Variants in CTNNA3 observed in about 807,000 individuals in gnomAD.
CTNNA3 encodes catenin alpha-3.
Under a neutral mutation model 95.7 loss-of-function variants are expected in CTNNA3, and 76 were observed. The ratio of observed to expected loss-of-function variants is 0.79; its 90% CI spans 0.66 to 0.96. CTNNA3 has a LOEUF of 0.96. CTNNA3 is among the 40% of genes least tolerant of loss of function. The pLI, the probability that CTNNA3 is intolerant of heterozygous loss-of-function variation, is 0.00. For synonymous variants in CTNNA3, 431 were observed against 374.4 expected (o/e 1.15, Z -1.74); for missense variants, 1,191 against 1,089.8 (o/e 1.09, Z -1.31).
chr10:66,299,203 G>C (rs183665856), intron 12 of CTNNA3, among the ~76,000 whole-genome samples: 81 of 152,190 alleles, frequency 5.3e-4, no homozygotes, highest in African/African-American at 1.8e-3. Flanking sequence ...AAACCAACCT[G>C]TGTTCTCACC....
chr10:66,727,140 T>G (rs373027917), intron 9 of CTNNA3, among the ~76,000 whole-genome samples: 2 of 152,106 alleles, frequency 1.3e-5, no homozygotes, highest in African/African-American at 4.8e-5. Context: ...AGAAATTGTT[T>G]AGGCAAAGGC....
intron 12 of CTNNA3, among the ~76,000 whole-genome samples, chr10:66,376,046 A>G (rs1564909171): frequency 6.6e-6 from 1 of 152,110 alleles, no homozygotes; most frequent in South Asian, 2.1e-4. Context: ...CAAACAGTAA[A>G]ACTAGGTGGG....
intron 9 of CTNNA3, among the ~76,000 whole-genome samples, chr10:66,735,916 A>G (rs1849119938): frequency 6.6e-6 from 1 of 152,180 alleles, no homozygotes; most frequent in Non-Finnish European, 1.5e-5. Flanking sequence ...TAGGGGCTTT[A>G]TGGAGCATTC....
At position 66,170,226 on chromosome 10, in the gene CTNNA3, TCTC is replaced by T. The variant is rs112025275; in HGVS notation, c.1885-66980_1885-66978del. 7.3e-3 allele frequency among the ~76,000 whole-genome samples: 1,086 copies of T among 147,876 alleles called. 27 individuals are homozygous for T. Among genetic ancestry groups the T allele is most frequent in the African/African-American group, 0.025 (1,014 of 40,204 alleles). ...GTGAGAGATGAGAATCCAGTTGCAT[TCTC>T]CTCCTCATTGTCTTTTTTTTTTTTT... is the stretch of plus-strand genomic sequence containing the variant. On this transcript the variant is annotated intron_variant, in intron 13 of 17. Transcript: ENST00000433211.
intron 7 of CTNNA3, among the ~76,000 whole-genome samples, chr10:67,157,934 A>G (rs1013462444): frequency 6.6e-6 from 1 of 152,220 alleles, no homozygotes; most frequent in East Asian, 1.9e-4. Context: ...CAAAAACTGT[A>G]TAACAGTACC....
intron 9 of CTNNA3, among the ~76,000 whole-genome samples, chr10:66,735,606 CTTGTT>C (rs1413497500): frequency 2.6e-5 from 4 of 151,968 alleles, no homozygotes. Flanking sequence ...ATGGGTCAGT[CTTGTT>C]TTGTTTGAAA....
At chr10:67,663,132 C>T (rs1840236651) in intron 1 of CTNNA3, among the ~76,000 whole-genome samples, 1 of 152,084 alleles carries the variant, frequency 6.6e-6, no homozygotes, top group African/African-American at 2.4e-5. Flanking sequence ...AGTATTCATT[C>T]CCAGGCTTCA....
At chr10:66,775,327 T>TC (rs1840250050) in intron 8 of CTNNA3, 117 bp downstream of exon 8, 1 of 706,580 alleles carries the variant, frequency 1.4e-6, no homozygotes, top group Non-Finnish European at 2.4e-6. Flanking sequence ...ATTTACTCTT[T>TC]TTTTCCTGTT....
At chr10:67,308,721 T>G (rs1840661225) in intron 5 of CTNNA3, among the ~76,000 whole-genome samples, 1 of 152,160 alleles carries the variant, frequency 6.6e-6, no homozygotes, top group Admixed American at 6.5e-5. Flanking sequence ...TCAAACTATT[T>G]AAGTACTAAA....
chr10:67,417,907 A>G (rs189496146), intron 5 of CTNNA3, among the ~76,000 whole-genome samples: 2 of 152,326 alleles, frequency 1.3e-5, no homozygotes, highest in Non-Finnish European at 2.9e-5. Flanking sequence ...CTTTTACACA[A>G]TGTTCATAGC....
chr10:67,547,912 C>T (rs1840894655), intron 3 of CTNNA3, among the ~76,000 whole-genome samples: 1 of 152,186 alleles, frequency 6.6e-6, no homozygotes, highest in South Asian at 2.1e-4. Flanking sequence ...ATCTCATGCT[C>T]ATGGATTAGA....
intron 7 of CTNNA3, among the ~76,000 whole-genome samples, chr10:67,135,565 C>A (rs1267565160): frequency 6.6e-6 from 1 of 152,086 alleles, no homozygotes; most frequent in Non-Finnish European, 1.5e-5. Context: ...GTCCCAGCTA[C>A]TCAGGAGGCT....
At chr10:66,790,677 G>C (rs1008443442) in intron 7 of CTNNA3, among the ~76,000 whole-genome samples, 1 of 151,984 alleles carries the variant, frequency 6.6e-6, no homozygotes, top group Non-Finnish European at 1.5e-5. Context: ...TATTTTTGTG[G>C]TATGCCATAA....
At chr10:67,056,698 A>G (rs886140223) in intron 7 of CTNNA3, among the ~76,000 whole-genome samples, 1 of 152,212 alleles carries the variant, frequency 6.6e-6, no homozygotes, top group Non-Finnish European at 1.5e-5. Flanking sequence ...TACATTATAC[A>G]GTAACTTTCA....
At chr10:66,760,469 T>C (rs1370476579) in intron 9 of CTNNA3, among the ~76,000 whole-genome samples, 1 of 152,142 alleles carries the variant, frequency 6.6e-6, no homozygotes, top group Admixed American at 6.6e-5. Context: ...TGTTTGTTTG[T>C]TTTTCAATTC....
chr10:67,584,617 C>G (rs892217852), intron 3 of CTNNA3, among the ~76,000 whole-genome samples: 2 of 152,242 alleles, frequency 1.3e-5, no homozygotes, highest in African/African-American at 4.8e-5. Context: ...ACATTTAAGT[C>G]TGCAGAAGTT....
At chr10:66,518,620 TAA>T (rs1840946683) in intron 11 of CTNNA3, among the ~76,000 whole-genome samples, 1 of 152,194 alleles carries the variant, frequency 6.6e-6, no homozygotes, top group East Asian at 1.9e-4. Context: ...CATAAATGAA[TAA>T]GTTCTTGAAT....
At chr10:66,761,575 CAA>C (rs1158436207) in intron 9 of CTNNA3, among the ~76,000 whole-genome samples, 3 of 151,562 alleles carry the variant, frequency 2.0e-5, no homozygotes, top group Non-Finnish European at 4.4e-5. Flanking sequence ...AAATATAATT[CAA>C]AAAAAGAGTG....
intron 5 of CTNNA3, among the ~76,000 whole-genome samples, chr10:67,363,711 C>T (rs1295001262): frequency 6.6e-6 from 1 of 152,148 alleles, no homozygotes. Flanking sequence ...CGCAAATAAA[C>T]TAGAAAATCT....
Sources: allele counts gnomAD v4.1 joint callset (sites outside exome capture counted in the v4.1 genomes callset), GRCh38; gene constraint gnomAD v4.1.1; transcripts MANE v1.5; gene names NCBI Gene and HGNC (gene_info 2026-07-23, HGNC 2026-07-21).